Variants in LRP11 observed in about 807,000 individuals in gnomAD.
The protein encoded by LRP11 is low-density lipoprotein receptor-related protein 11.
In LRP11, 25 loss-of-function variants were observed where a neutral mutation model predicts 43.1. That is an observed-to-expected ratio of 0.58 (90% CI 0.42 to 0.81). The LOEUF (loss-of-function observed/expected upper bound fraction) is 0.81. Among genes scored for constraint, LRP11 ranks in the 30% least tolerant of loss-of-function variants. The probability of loss-of-function intolerance (pLI) is 0.00; values close to 1 mark genes in which losing one functional copy is unlikely to be tolerated. For synonymous variants in LRP11, 316 were observed against 299.4 expected, an observed-to-expected ratio of 1.06 and a Z score of -0.57; for missense variants, 623 against 665.1, an observed-to-expected ratio of 0.94 and a Z score of 0.70.
Position 149,863,424 on chromosome 6 carries a change from G to C in LRP11, c.597C>G (p.Arg199=). 2 of 1,315,096 alleles carry C rather than the reference G, an allele frequency of 1.5e-6. No homozygotes were observed. Among genetic ancestry groups the C allele is most frequent in the Non-Finnish European group, 1.9e-6 (2 of 1,039,850 alleles). The allele number at this position is 1,315,096 out of a possible 1,614,324, so 81.5% of individuals were successfully genotyped here. A position where few individuals can be genotyped will look rare whatever the true frequency, so the allele number is the denominator to read the frequency against. The part of the protein sequence containing the change: ...APDGAALATA[R]ASPRQEKDAP... The stretch of plus-strand genomic sequence containing the variant: ...CGCGCTTACCCTGCCGGGGCGAGGC[G>C]CGCGCGGTGGCCAGGGCGGCGCCGT... Residue 199 remains arginine, a synonymous_variant, in exon 1 of 7, where the codon CGC becomes CGG. Transcript: ENST00000239367.
At chr6:149,837,157 C>T (rs1165900452) in intron 4 of LRP11, among the ~76,000 whole-genome samples, 181 bp downstream of exon 4, 1 of 152,112 alleles carries the variant, frequency 6.6e-6, no homozygotes. Context: ...AAAAATTTGA[C>T]ATTTGAGACT....
rs563499463 is a variant in LRP11, at chr6:149,839,601, T to C, written c.914-2138A>G. Among the ~76,000 whole-genome samples the C allele has an allele frequency of 2.4e-4, 37 of 152,376 alleles. 2 individuals are homozygous for C. In the South Asian group the frequency reaches 7.7e-3, roughly 32 times the overall value. On this transcript the variant is annotated intron_variant, in intron 3 of 6. Transcript: ENST00000239367. ...TTGGATTAGCAGCCTCCAAACTTTT[T>C]TGATCATGCATCCTGATCAATAATA...
At chr6:149,849,377 A>G (rs1248495962) in intron 2 of LRP11, among the ~76,000 whole-genome samples, 1 of 152,234 alleles carries the variant, frequency 6.6e-6, no homozygotes, top group Non-Finnish European at 1.5e-5. Context: ...GATGTAAAAT[A>G]TCCTGTTCAA....
At chr6:149,835,374 C>G (rs1776457855) in intron 5 of LRP11, among the ~76,000 whole-genome samples, 1 of 152,166 alleles carries the variant, frequency 6.6e-6, no homozygotes, top group African/African-American at 2.4e-5. Context: ...CCGAGGTGGG[C>G]AGATTGCTTG....
At chr6:149,825,206 T>C (rs1287258442) in intron 6 of LRP11, among the ~76,000 whole-genome samples, 1 of 152,194 alleles carries the variant, frequency 6.6e-6, no homozygotes, top group Non-Finnish European at 1.5e-5. Context: ...TAAAGCTTCT[T>C]TTACTAGTTT....
Position 149,820,487 on chromosome 6 carries a change from T to A in LRP11, c.*62A>T. 1.4e-6 allele frequency: 1 copy of A among 706,322 alleles called. No homozygotes were observed. The highest frequency in any genetic ancestry group is 2.6e-6 in the Non-Finnish European group (1 of 381,952). The allele number at this position is 706,322 out of a possible 1,614,324, so 43.8% of individuals were successfully genotyped here. ...AAAAGAAGCTGTAAATATCCAGAACTTAATAGATGTATAAATTATAAACAA... is the reference window on the plus strand; with the variant it reads ...AAAAGAAGCTGTAAATATCCAGAACATAATAGATGTATAAATTATAAACAA... On this transcript the variant is annotated 3_prime_UTR_variant, in exon 7 of 7. Coordinates refer to ENST00000239367, the MANE Select transcript of LRP11 (RefSeq NM_032832.6).
At position 149,859,611 on chromosome 6, in the gene LRP11, G is replaced by T. The variant is rs192883036; in HGVS notation, c.613+3797C>A. On this transcript the variant is annotated intron_variant, in intron 1 of 6. Coordinates refer to ENST00000239367, the MANE Select transcript of LRP11 (RefSeq NM_032832.6). ...GAGTTTCACCATGTTTGTCAGGCTG[G>T]TTTCTAACTCCTGGCCTCCAGCAAT... 3.7e-4 allele frequency among the ~76,000 whole-genome samples: 56 copies of T among 151,638 alleles called. 1 individual carries two copies. In the East Asian group the frequency reaches 0.011, roughly 29 times the overall value.
At chr6:149,835,488 G>A (rs1223684322) in intron 5 of LRP11, among the ~76,000 whole-genome samples, 2 of 114,146 alleles carry the variant, frequency 1.8e-5, no homozygotes, top group East Asian at 4.2e-4. Flanking sequence ...TACGCCTATA[G>A]TCCCAGCTAC....
chr6:149,847,892 G>A (rs532759251), intron 2 of LRP11, among the ~76,000 whole-genome samples: 1 of 144,746 alleles, frequency 6.9e-6, no homozygotes, highest in South Asian at 2.2e-4. Flanking sequence ...GTATATACTT[G>A]GTTACAAAGA....
chr6:149,832,055 C>T (rs2115379414), intron 5 of LRP11, among the ~76,000 whole-genome samples: 1 of 152,312 alleles, frequency 6.6e-6, no homozygotes, highest in Middle Eastern at 3.4e-3. Flanking sequence ...TTTCTCTCTA[C>T]TCTTAGAAAC....
chr6:149,841,980 T>C (rs745684685), intron 3 of LRP11, among the ~76,000 whole-genome samples: 3 of 152,200 alleles, frequency 2.0e-5, no homozygotes, highest in Non-Finnish European at 2.9e-5. Context: ...AAGTTTTACA[T>C]TGTTACATTG....
chr6:149,838,833 T>G (rs551950377), intron 3 of LRP11, among the ~76,000 whole-genome samples: 1 of 152,224 alleles, frequency 6.6e-6, no homozygotes, highest in South Asian at 2.1e-4. Flanking sequence ...TTATTAGACT[T>G]AGCTAGAGGA....
At chr6:149,861,668 C>A (rs1159278353) in intron 1 of LRP11, among the ~76,000 whole-genome samples, 1 of 152,138 alleles carries the variant, frequency 6.6e-6, no homozygotes, top group Non-Finnish European at 1.5e-5. Flanking sequence ...CAGGCGCCAC[C>A]ATGCCAGGAT....
intron 5 of LRP11, among the ~76,000 whole-genome samples, chr6:149,829,984 A>G (rs1332942524): frequency 1.3e-5 from 2 of 150,854 alleles, no homozygotes; most frequent in Non-Finnish European, 3.0e-5. Flanking sequence ...CTTTGTAGCC[A>G]TATTATGAGA....
Position 149,822,142 on chromosome 6 carries a change from G to A in LRP11, c.1349-1439C>T, listed in dbSNP as rs189064979. ...GTGGGCAAATTGCTTGATCCCAGGAGTTCGAGACCAGCCTGGGCAACATGG... is the reference window on the plus strand; with the variant it reads ...GTGGGCAAATTGCTTGATCCCAGGAATTCGAGACCAGCCTGGGCAACATGG... On this transcript the variant is annotated intron_variant, in intron 6 of 6. Coordinates refer to ENST00000239367, the MANE Select transcript of LRP11 (RefSeq NM_032832.6). 2.3e-4 allele frequency among the ~76,000 whole-genome samples: 35 copies of A among 152,266 alleles called. 1 individual carries two copies. The highest frequency in any genetic ancestry group is 2.1e-3 in the Admixed American group (32 of 15,296).
chr6:149,850,983 G>T (rs1342126931), intron 2 of LRP11, among the ~76,000 whole-genome samples: 1 of 152,308 alleles, frequency 6.6e-6, no homozygotes, highest in African/African-American at 2.4e-5. Flanking sequence ...CTCAATCCGT[G>T]GGGGCTTTGA....
chr6:149,826,164 T>C, intron 6 of LRP11, 100 bp downstream of exon 6: 1 of 907,882 alleles, frequency 1.1e-6, no homozygotes, highest in Non-Finnish European at 1.9e-6. Context: ...GGACTCCTCC[T>C]GTCCTGAGCT....
intron 1 of LRP11, 91 bp downstream of exon 1, chr6:149,863,317 T>G: frequency 7.8e-7 from 1 of 1,283,854 alleles, no homozygotes; most frequent in South Asian, 3.2e-5. Context: ...CTAAAATAAC[T>G]TGGCACGAGT....
At chr6:149,833,836 G>A (rs1344332816) in intron 5 of LRP11, among the ~76,000 whole-genome samples, 1 of 152,196 alleles carries the variant, frequency 6.6e-6, no homozygotes, top group Non-Finnish European at 1.5e-5. Context: ...CCCATCAGCC[G>A]CAGGTGGCAG....
Sources: allele counts gnomAD v4.1 joint callset (sites outside exome capture counted in the v4.1 genomes callset), GRCh38; gene constraint gnomAD v4.1.1; transcripts MANE v1.5; gene names NCBI Gene and HGNC (gene_info 2026-07-23, HGNC 2026-07-21).